Variants in NFIA observed in about 807,000 individuals in gnomAD.
NFIA encodes nuclear factor 1 A-type.
In NFIA, 8 loss-of-function variants were observed where a neutral mutation model predicts 62.8. The observed-to-expected ratio is 0.13, with a 90% CI of 0.07 to 0.23. The LOEUF (loss-of-function observed/expected upper bound fraction) is 0.23. NFIA is among the 10% of genes least tolerant of loss of function. The pLI is 1.00. For synonymous variants in NFIA, 235 were observed against 238.1 expected (o/e 0.99, Z 0.12); for missense variants, 410 against 642.1 (o/e 0.64, Z 3.91).
chr1:61,453,702 T>C (rs2100592426), intron 10 of NFIA, among the ~76,000 whole-genome samples: 1 of 152,270 alleles, frequency 6.6e-6, no homozygotes, highest in African/African-American at 2.4e-5. Flanking sequence ...AGTTTGAACC[T>C]GTTTTGTAGA....
At chr1:61,431,979 T>C (rs1667115618) in intron 10 of NFIA, among the ~76,000 whole-genome samples, 1 of 152,176 alleles carries the variant, frequency 6.6e-6, no homozygotes, top group South Asian at 2.1e-4. Flanking sequence ...AAAACTCTCC[T>C]CGAGTTGTTC....
chr1:61,296,546 A>C (rs2100321037), intron 3 of NFIA, among the ~76,000 whole-genome samples: 1 of 152,280 alleles, frequency 6.6e-6, no homozygotes, highest in African/African-American at 2.4e-5. Flanking sequence ...CTTAAGAGGA[A>C]ATATTAGTGT....
intron 2 of NFIA, among the ~76,000 whole-genome samples, chr1:61,160,437 A>T (rs1304763008): frequency 6.6e-6 from 1 of 152,226 alleles, no homozygotes; most frequent in Non-Finnish European, 1.5e-5. Flanking sequence ...GTGTCATCCA[A>T]CTTTGAAATG....
At chr1:61,180,930 T>C (rs1247912040) in intron 2 of NFIA, among the ~76,000 whole-genome samples, 1 of 152,200 alleles carries the variant, frequency 6.6e-6, no homozygotes, top group Non-Finnish European at 1.5e-5. Flanking sequence ...CTTAAACCCA[T>C]TGGAAGTTAG....
At chr1:61,271,765 C>A (rs1198984959) in intron 2 of NFIA, among the ~76,000 whole-genome samples, 4 of 152,216 alleles carry the variant, frequency 2.6e-5, no homozygotes, top group Non-Finnish European at 5.9e-5. Context: ...ACTCTGCATA[C>A]ATTAATTACT....
chr1:61,219,542 G>A (rs1352958093), intron 2 of NFIA, among the ~76,000 whole-genome samples: 3 of 151,652 alleles, frequency 2.0e-5, no homozygotes, highest in South Asian at 2.1e-4. Flanking sequence ...GTGAAACTCC[G>A]TCTCTACTAA....
At chr1:61,156,686 G>A (rs1648840955) in intron 2 of NFIA, among the ~76,000 whole-genome samples, 1 of 152,214 alleles carries the variant, frequency 6.6e-6, no homozygotes, top group Non-Finnish European at 1.5e-5. Context: ...TGCCCTGACT[G>A]TGTTTAAATC....
chr1:61,380,196 C>T (rs1664348212), intron 6 of NFIA, among the ~76,000 whole-genome samples: 1 of 152,036 alleles, frequency 6.6e-6, no homozygotes, highest in South Asian at 2.1e-4. Flanking sequence ...GATGAAATGC[C>T]CCATTGAAAC....
At chr1:61,209,271 T>A (rs973714152) in intron 2 of NFIA, among the ~76,000 whole-genome samples, 1 of 152,134 alleles carries the variant, frequency 6.6e-6, no homozygotes, top group Non-Finnish European at 1.5e-5. Context: ...ACCTGTTCAT[T>A]GTGTAAAAAG....
At chr1:61,285,673 G>A (rs1658440926) in intron 3 of NFIA, among the ~76,000 whole-genome samples, 1 of 152,132 alleles carries the variant, frequency 6.6e-6, no homozygotes, top group African/African-American at 2.4e-5. Flanking sequence ...TAGGGGTGGA[G>A]GGTAGGGGGC....
At chr1:61,162,177 G>A (rs1021077478) in intron 2 of NFIA, among the ~76,000 whole-genome samples, 1 of 152,108 alleles carries the variant, frequency 6.6e-6, no homozygotes, top group Non-Finnish European at 1.5e-5. Flanking sequence ...TGGCCCACCT[G>A]TTCTTTCTCC....
At chr1:61,238,858 G>A (rs1655159544) in intron 2 of NFIA, among the ~76,000 whole-genome samples, 1 of 152,102 alleles carries the variant, frequency 6.6e-6, no homozygotes, top group Non-Finnish European at 1.5e-5. Context: ...AGCTGTCACA[G>A]CTCTCCTGGG....
chr1:61,358,379 C>CTTTCTT (rs71582639), intron 5 of NFIA, among the ~76,000 whole-genome samples: 1,377 of 52,820 alleles, frequency 0.026, 135 homozygotes, highest in Middle Eastern at 0.048. Flanking sequence ...TTCTTTCTTT[C>CTTTCTT]TTTTTTTTTT....
intron 10 of NFIA, among the ~76,000 whole-genome samples, chr1:61,454,576 T>A (rs892968687): frequency 5.9e-5 from 9 of 152,344 alleles, no homozygotes; most frequent in African/African-American, 1.9e-4. Flanking sequence ...ATCTTGATCC[T>A]ACTTAGTTAT....
chr1:61,329,221 T>TG (rs1661148970), intron 3 of NFIA, among the ~76,000 whole-genome samples: 2 of 148,568 alleles, frequency 1.3e-5, no homozygotes, highest in East Asian at 4.0e-4. Context: ...CTAATTTTTT[T>TG]TATTTTTAGT....
intron 7 of NFIA, among the ~76,000 whole-genome samples, chr1:61,401,142 A>G (rs1042279940): frequency 1.3e-5 from 2 of 152,226 alleles, no homozygotes; most frequent in African/African-American, 4.8e-5. Context: ...ACTGAACCAG[A>G]AAGTCCAAAG....
At chr1:61,177,097 C>G (rs192861131) in intron 2 of NFIA, among the ~76,000 whole-genome samples, 1 of 142,290 alleles carries the variant, frequency 7.0e-6, no homozygotes, top group African/African-American at 2.8e-5. Flanking sequence ...CAGAGCGAGA[C>G]TCTGTCTCAA....
At chr1:61,217,995 A>G (rs1050577381) in intron 2 of NFIA, among the ~76,000 whole-genome samples, 18 of 152,342 alleles carry the variant, frequency 1.2e-4, no homozygotes, top group Middle Eastern at 3.4e-3. Flanking sequence ...CACAGAGAAG[A>G]TACTTAATAA....
intron 9 of NFIA, among the ~76,000 whole-genome samples, chr1:61,424,315 G>C (rs1666767263): frequency 6.6e-6 from 1 of 152,038 alleles, no homozygotes; most frequent in African/African-American, 2.4e-5. Context: ...GCTTGCTATA[G>C]TGAAGCTATC....
Sources: allele counts gnomAD v4.1 joint callset (sites outside exome capture counted in the v4.1 genomes callset), GRCh38; gene constraint gnomAD v4.1.1; transcripts MANE v1.5; gene names NCBI Gene and HGNC (gene_info 2026-07-23, HGNC 2026-07-21).